Variants in C1orf87 observed in about 807,000 individuals in gnomAD.
C1orf87 encodes uncharacterized protein C1orf87.
C1orf87 carries 58 observed loss-of-function variants against 60.5 expected under a neutral mutation model. That is an observed-to-expected ratio of 0.96 (90% confidence interval 0.78 to 1.19). The LOEUF is 1.19. Among genes scored for constraint, C1orf87 ranks in the 50% most tolerant of loss-of-function variants. The probability of loss-of-function intolerance (pLI) is 0.00; values close to 1 mark genes in which losing one functional copy is unlikely to be tolerated. For synonymous variants in C1orf87, 236 were observed against 227.4 expected, an observed-to-expected ratio of 1.04 and a Z score of -0.34; for missense variants, 673 against 638.6, an observed-to-expected ratio of 1.05 and a Z score of -0.58.
chr1:59,999,188 T>C (rs1644984282), intron 10 of C1orf87, among the ~76,000 whole-genome samples: 1 of 152,164 alleles, frequency 6.6e-6, no homozygotes, highest in Non-Finnish European at 1.5e-5. Flanking sequence ...ATTAAGTTGC[T>C]GCTGGGGAAT....
intron 7 of C1orf87, among the ~76,000 whole-genome samples, chr1:60,027,659 G>A (rs1238043472): frequency 6.6e-6 from 1 of 152,054 alleles, no homozygotes; most frequent in Non-Finnish European, 1.5e-5. Flanking sequence ...ACAACCAATC[G>A]GGTTTGAAAC....
chr1:60,020,860 T>A (rs1455725470), intron 8 of C1orf87, among the ~76,000 whole-genome samples: 2 of 152,146 alleles, frequency 1.3e-5, no homozygotes, highest in Non-Finnish European at 2.9e-5. Flanking sequence ...GGGGGCAGAA[T>A]GATATTGTTT....
chr1:60,023,653 T>C (rs371403222), intron 8 of C1orf87, among the ~76,000 whole-genome samples: 1 of 152,134 alleles, frequency 6.6e-6, no homozygotes, highest in African/African-American at 2.4e-5. Context: ...CTATGATTAA[T>C]GGACCAATAT....
rs1237578071 is a variant in C1orf87 at position 60,037,983 on chromosome 1, G to A, written c.863+9C>T. On this transcript the variant is annotated intron_variant, in intron 6 of 11. Coordinates refer to ENST00000371201, the MANE Select transcript of C1orf87 (RefSeq NM_152377.3). ...GGAACAATACCCTCACAAAAAGGGA[G>A]AAGAGTACCTTTGGCTATGAGTGCC... 2 of 1,586,038 alleles carry A rather than the reference G, an allele frequency of 1.3e-6. No homozygotes were observed. The highest frequency in any genetic ancestry group is 2.2e-5 in the South Asian group (2 of 89,446).
Position 60,040,078 on chromosome 1 carries a change from C to T in C1orf87, c.586G>A (p.Glu196Lys). The T allele has an allele frequency of 6.2e-7, 1 of 1,614,202 alleles. No individual in the cohort carries two copies. Among genetic ancestry groups the T allele is most frequent in the Non-Finnish European group, 8.5e-7 (1 of 1,180,038 alleles). ...ATCTTCAGCTCTTTCTGAAGCTTTT[C>T]TAATAAGTTGGAACTCAAAGGACGT... is the stretch of plus-strand genomic sequence containing the variant. Reference protein sequence around the residue: ...KSRPLSSNLLEKLQKELKILD... With the variant: ...KSRPLSSNLLKKLQKELKILD... The change falls in exon 5 of 12, where the codon GAA becomes AAA. Residue 196 changes from glutamate to lysine, a missense_variant. Glu to Lys is a moderately conservative substitution (Grantham distance 56). Coordinates refer to ENST00000371201, the MANE Select transcript of C1orf87 (RefSeq NM_152377.3).
chr1:60,011,571 G>T (rs1241096204), intron 8 of C1orf87, among the ~76,000 whole-genome samples: 2 of 151,820 alleles, frequency 1.3e-5, no homozygotes, highest in Non-Finnish European at 2.9e-5. Flanking sequence ...ACTTGTGTTA[G>T]CAAAAGACAG....
At chr1:60,011,527 T>C (rs1028901875) in intron 8 of C1orf87, among the ~76,000 whole-genome samples, 2 of 152,104 alleles carry the variant, frequency 1.3e-5, no homozygotes, top group African/African-American at 4.8e-5. Context: ...TCCAATTTTG[T>C]GTTAATTCAT....
At chr1:60,071,344 C>T (rs1205372648) in intron 2 of C1orf87, among the ~76,000 whole-genome samples, 2 of 151,962 alleles carry the variant, frequency 1.3e-5, no homozygotes, top group Non-Finnish European at 2.9e-5. Flanking sequence ...TTGTTTTATC[C>T]CCACTTCATA....
intron 7 of C1orf87, among the ~76,000 whole-genome samples, chr1:60,029,395 T>C (rs2100281445): frequency 6.6e-6 from 1 of 152,298 alleles, no homozygotes; most frequent in Non-Finnish European, 1.5e-5. Flanking sequence ...TGCTTTTTTT[T>C]CCCATTTGAA....
At chr1:60,064,630 A>AT (rs1491175445) in intron 2 of C1orf87, among the ~76,000 whole-genome samples, 31 of 35,498 alleles carry the variant, frequency 8.7e-4, no homozygotes, top group South Asian at 5.2e-3. Flanking sequence ...TCATATATAT[A>AT]AATATATATG....
chr1:60,016,432 C>G (rs1413678593), intron 8 of C1orf87, among the ~76,000 whole-genome samples: 1 of 152,152 alleles, frequency 6.6e-6, no homozygotes, highest in Admixed American at 6.5e-5. Context: ...CATTGTTTTT[C>G]TATGCTTTAA....
At position 60,071,946 on chromosome 1, in the gene C1orf87, T is replaced by C. The variant is rs570246753; in HGVS notation, c.107+591A>G. ...CCCTCCTTTTTTGAGCCACTGAAAC[T>C]CTGTAAGAAAGAGCTAGTCATACTG... On this transcript the variant is annotated intron_variant, in intron 2 of 11. Transcript: ENST00000371201. Among the ~76,000 whole-genome samples the C allele has an allele frequency of 1.2e-4, 19 of 152,242 alleles. No individual in the cohort carries two copies. The South Asian group carries it at 3.9e-3, about 32-fold the overall frequency.
chr1:60,067,798 AT>A (rs1413174197), intron 2 of C1orf87, among the ~76,000 whole-genome samples: 2 of 152,116 alleles, frequency 1.3e-5, no homozygotes, highest in Non-Finnish European at 2.9e-5. Flanking sequence ...GTCTTTGCCT[AT>A]GCCTCTGTTC....
At position 60,001,117 on chromosome 1, in the gene C1orf87, G is replaced by T; in HGVS notation, c.1232C>A (p.Pro411His). Residue 411 changes from proline to histidine, a missense_variant, in exon 10 of 12, where the codon CCT becomes CAT. Coordinates refer to ENST00000371201, the MANE Select transcript of C1orf87 (RefSeq NM_152377.3). Reference sequence around the variant, plus strand: ...GCTTTGAGACATCTCGGGGACTTCAGGCTCCATTGGAGGGGCAGGGGCTTT... The same window carrying T: ...GCTTTGAGACATCTCGGGGACTTCATGCTCCATTGGAGGGGCAGGGGCTTT... Reference protein sequence around the residue: ...EKKAPAPPMEPEVPEMSQSKT... With the variant: ...EKKAPAPPMEHEVPEMSQSKT... The T allele has an allele frequency of 6.2e-7, 1 of 1,605,372 alleles. No individual in the cohort carries two copies. Among genetic ancestry groups the T allele is most frequent in the Admixed American group, 1.7e-5 (1 of 58,880 alleles).
chr1:60,037,239 G>A (rs1645284622), intron 6 of C1orf87, among the ~76,000 whole-genome samples: 2 of 152,314 alleles, frequency 1.3e-5, no homozygotes, highest in Admixed American at 6.5e-5. Context: ...CAAAGTTCCT[G>A]TGTTGAAACC....
Position 59,992,005 on chromosome 1 carries a change from TACA to T in C1orf87, c.1481-1175_1481-1173del, listed in dbSNP as rs538827899. On this transcript the variant is annotated intron_variant, in intron 11 of 11. Transcript: ENST00000371201. ...AAGTTATTCAGAAAATTAACTGGGA[TACA>T]ACAATAATAATTAAACAATATTTAA... Among the ~76,000 whole-genome samples, 32 of 152,216 alleles carry T rather than the reference TACA, an allele frequency of 2.1e-4. No individual in the cohort carries two copies. In the South Asian group the frequency reaches 6.2e-3, roughly 30 times the overall value.
At chr1:60,066,272 T>A (rs1278539762) in intron 2 of C1orf87, among the ~76,000 whole-genome samples, 1 of 152,180 alleles carries the variant, frequency 6.6e-6, no homozygotes, top group East Asian at 1.9e-4. Context: ...TTTGATAGTA[T>A]TTTACCCACA....
intron 2 of C1orf87, among the ~76,000 whole-genome samples, chr1:60,058,639 T>C (rs895661251): frequency 2.6e-5 from 4 of 152,206 alleles, no homozygotes; most frequent in African/African-American, 9.7e-5. Context: ...CTATTATTAT[T>C]ATTTTAGAAT....
chr1:60,028,210 A>T (rs1645213240), intron 7 of C1orf87, among the ~76,000 whole-genome samples: 1 of 152,230 alleles, frequency 6.6e-6, no homozygotes, highest in Non-Finnish European at 1.5e-5. Context: ...TCATGATTAG[A>T]ACATATTGAT....
Sources: allele counts gnomAD v4.1 joint callset (sites outside exome capture counted in the v4.1 genomes callset), GRCh38; gene constraint gnomAD v4.1.1; transcripts MANE v1.5; gene names NCBI Gene and HGNC (gene_info 2026-07-23, HGNC 2026-07-21).